The following SOX6 variants were observed in gnomAD, a reference collection of about 807,000 sequenced individuals.
The protein encoded by SOX6 is SRY-box transcription factor 6.
Under a neutral mutation model 97.8 loss-of-function variants are expected in SOX6, and 11 were observed. That is an observed-to-expected ratio of 0.11 (90% confidence interval 0.07 to 0.19). The LOEUF is 0.19. SOX6 is among the 10% of genes least tolerant of loss of function. SOX6 has a pLI of 1.00. For missense variants in SOX6, 810 were observed against 1,039.5 expected (o/e 0.78, Z 3.04); for synonymous variants, 360 against 371.4 (o/e 0.97, Z 0.35).
intron 2 of SOX6, among the ~76,000 whole-genome samples, chr11:16,718,518 C>A (rs1006182774): frequency 6.6e-6 from 1 of 152,214 alleles, no homozygotes; most frequent in African/African-American, 2.4e-5. Flanking sequence ...CAAAAAATAC[C>A]AGCCAAAACA....
At chr11:16,450,006 G>C (rs865887110) in intron 1 of SOX6, among the ~76,000 whole-genome samples, 1 of 152,088 alleles carries the variant, frequency 6.6e-6, no homozygotes, top group South Asian at 2.1e-4. Flanking sequence ...GGTTGCCCAA[G>C]GAACCAAATC....
At chr11:16,724,602 G>A (rs1399203344) in intron 2 of SOX6, among the ~76,000 whole-genome samples, 1 of 152,158 alleles carries the variant, frequency 6.6e-6, no homozygotes, top group Non-Finnish European at 1.5e-5. Context: ...AGAAACTCTG[G>A]GGTAGGGCTC....
intron 9 of SOX6, among the ~76,000 whole-genome samples, chr11:16,093,193 A>C (rs1848728399): frequency 1.3e-5 from 2 of 151,934 alleles, no homozygotes; most frequent in African/African-American, 4.8e-5. Context: ...AAATTATCAA[A>C]ATTAATGGTT....
chr11:16,497,767 A>C lies in SOX6; in HGVS notation n.610-21379T>G, dbSNP rs541777686. Among the ~76,000 whole-genome samples, 33 of 152,340 alleles carry C rather than the reference A, an allele frequency of 2.2e-4. No individual in the cohort carries two copies. In the South Asian group the frequency reaches 6.8e-3, roughly 32 times the overall value. Reference sequence around the variant, plus strand: ...TGAAGCGAGAAGAGAAGTTTAGAGAAAAAAGAATAAAAACAAATGAACAAA... The same window carrying C: ...TGAAGCGAGAAGAGAAGTTTAGAGACAAAAGAATAAAAACAAATGAACAAA... On this transcript the variant is annotated intron_variant and non_coding_transcript_variant, in intron 4 of 5. Transcript: ENST00000524520.
chr11:16,655,390 T>C (rs1407119702), intron 3 of SOX6, among the ~76,000 whole-genome samples: 5 of 152,148 alleles, frequency 3.3e-5, no homozygotes, highest in Admixed American at 6.5e-5. Flanking sequence ...TGGAGCCAGA[T>C]TGGAATCCAG....
intron 4 of SOX6, among the ~76,000 whole-genome samples, chr11:16,562,491 T>C (rs1391886450): frequency 6.6e-6 from 1 of 152,128 alleles, no homozygotes; most frequent in Non-Finnish European, 1.5e-5. Flanking sequence ...TTAGACACTA[T>C]CTTTTCTAAC....
intron 3 of SOX6, among the ~76,000 whole-genome samples, chr11:16,712,360 C>G (rs1270124569): frequency 1.3e-5 from 2 of 152,168 alleles, no homozygotes; most frequent in East Asian, 3.8e-4. Flanking sequence ...TTTTACATTC[C>G]CACCAGCAGT....
intron 12 of SOX6, among the ~76,000 whole-genome samples, chr11:16,021,662 A>G (rs1447827875): frequency 2.0e-5 from 3 of 152,170 alleles, no homozygotes; most frequent in East Asian, 1.9e-4. Context: ...CTCATTTTTA[A>G]ATAATATTTT....
At chr11:16,059,305 T>G (rs1257126856) in intron 9 of SOX6, among the ~76,000 whole-genome samples, 1 of 152,086 alleles carries the variant, frequency 6.6e-6, no homozygotes, top group Non-Finnish European at 1.5e-5. Context: ...GCTTGAAAAC[T>G]TCATTCAAAT....
At chr11:16,186,305 C>T (rs1346227349) in intron 5 of SOX6, among the ~76,000 whole-genome samples, 1 of 152,056 alleles carries the variant, frequency 6.6e-6, no homozygotes, top group African/African-American at 2.4e-5. Flanking sequence ...GGCATTATAC[C>T]AGGGCTATCT....
intron 13 of SOX6, among the ~76,000 whole-genome samples, chr11:16,001,676 T>C (rs1854412420): frequency 6.6e-6 from 1 of 152,174 alleles, no homozygotes; most frequent in Non-Finnish European, 1.5e-5. Context: ...GTTATGAAGT[T>C]CATGCCACTG....
chr11:16,319,463 A>G (rs12281323), intron 2 of SOX6, among the ~76,000 whole-genome samples: 15,462 of 151,986 alleles, frequency 0.1, 839 homozygotes, highest in African/African-American at 0.12. Flanking sequence ...TGCTGCACCC[A>G]TTAACTCGTC....
chr11:16,480,139 T>C (rs1860319176), upstream of SOX6, among the ~76,000 whole-genome samples: 1 of 152,138 alleles, frequency 6.6e-6, no homozygotes, highest in African/African-American at 2.4e-5. Flanking sequence ...GAAAATCAAA[T>C]ATATATGCAT....
chr11:16,527,866 C>T (rs921110596), intron 4 of SOX6, among the ~76,000 whole-genome samples: 4 of 152,054 alleles, frequency 2.6e-5, no homozygotes, highest in East Asian at 1.9e-4. Context: ...ACTGGGACTT[C>T]GGGAGTCATT....
At chr11:16,572,531 T>C (rs959906827) in intron 4 of SOX6, among the ~76,000 whole-genome samples, 2 of 152,224 alleles carry the variant, frequency 1.3e-5, no homozygotes, top group Non-Finnish European at 2.9e-5. Flanking sequence ...TGATTAATGT[T>C]AAAGTCAGCT....
chr11:16,127,422 C>G (rs10128686), intron 6 of SOX6, among the ~76,000 whole-genome samples: 36,163 of 151,826 alleles, frequency 0.24, 4,549 homozygotes, highest in Middle Eastern at 0.39. Flanking sequence ...TTACCTACAT[C>G]TATTAAATTC....
chr11:16,369,708 A>T (rs566445578), intron 1 of SOX6, among the ~76,000 whole-genome samples: 2 of 152,282 alleles, frequency 1.3e-5, no homozygotes, highest in African/African-American at 4.8e-5. Flanking sequence ...TCATGCCCTA[A>T]CATTCACAGT....
intron 1 of SOX6, among the ~76,000 whole-genome samples, chr11:16,468,505 G>C (rs982493590): frequency 6.6e-6 from 1 of 151,978 alleles, no homozygotes; most frequent in Non-Finnish European, 1.5e-5. Flanking sequence ...ATCAATATAT[G>C]ATCTTCACTG....
At chr11:16,132,296 AAGGAAGGAAGG>A (rs2134021273) in intron 6 of SOX6, among the ~76,000 whole-genome samples, 1 of 115,704 alleles carries the variant, frequency 8.6e-6, no homozygotes, top group East Asian at 3.4e-4. Flanking sequence ...GGAAGGAAGG[AAGGAAGGAAGG>A]AAGGAAGGAA....
Sources: gnomAD v4.1 joint callset for allele counts (sites outside exome capture counted in the v4.1 genomes callset) on GRCh38, gnomAD v4.1.1 for gene constraint, MANE v1.5 for transcripts, NCBI Gene and HGNC (gene_info 2026-07-23, HGNC 2026-07-21) for gene names.